DNAAF1: variants seen among roughly 807,000 people sequenced by gnomAD.
The protein encoded by DNAAF1 is dynein axonemal assembly factor 1, also known as dynein assembly factor 1, axonemal.
DNAAF1 carries 65 observed loss-of-function variants against 71.1 expected under a neutral mutation model. The observed-to-expected ratio is 0.91, with a 90% CI of 0.75 to 1.12. The LOEUF (loss-of-function observed/expected upper bound fraction) is 1.12. Among genes scored for constraint, DNAAF1 ranks in the 50% most tolerant of loss-of-function variants. The pLI, the probability that DNAAF1 is intolerant of heterozygous loss-of-function variation, is 0.00. For synonymous variants in DNAAF1, 414 were observed against 354.6 expected, an observed-to-expected ratio of 1.17 and a Z score of -1.88; for missense variants, 1,178 against 899.8, an observed-to-expected ratio of 1.31 and a Z score of -3.96.
intron 9 of DNAAF1, chr16:84,173,236 G>T: frequency 1.1e-6 from 1 of 945,992 alleles, no homozygotes; most frequent in Non-Finnish European, 1.3e-6. Context: ...GGCCGAGGTG[G>T]CTGGATCACG....
At chr16:84,154,825 C>T in intron 4 of DNAAF1, 27 bp downstream of exon 4, 1 of 1,564,716 alleles carries the variant, frequency 6.4e-7, no homozygotes, top group African/African-American at 1.4e-5. Context: ...AGCAGTGTGT[C>T]TGTTTGCCAT....
Position 84,165,863 on chromosome 16 carries a change from A to C in DNAAF1, c.944A>C (p.Lys315Thr). The change falls in exon 7 of 12, where the codon AAG becomes ACG. Residue 315 changes from lysine (K) to threonine (T), a missense_variant. Lys to Thr is a moderately conservative substitution (Grantham distance 78, BLOSUM62 -1). Coordinates refer to ENST00000378553, the MANE Select transcript of DNAAF1 (RefSeq NM_178452.6). ...CAGCAGTGGGAGAGCAGGGAGCGGA[A>C]GAAGATCACAGACAGCATTGAAGCC... ...ERQQWESRERKKITDSIEALA... is the reference protein window; with the variant it reads ...ERQQWESRERTKITDSIEALA... 6.2e-7 allele frequency: 1 copy of C among 1,613,520 alleles called. No homozygotes were observed. Among genetic ancestry groups the C allele is most frequent in the Non-Finnish European group, 8.5e-7 (1 of 1,179,918 alleles).
chr16:84,147,343 A>G (rs1030699958), intron 1 of DNAAF1, among the ~76,000 whole-genome samples: 1 of 152,224 alleles, frequency 6.6e-6, no homozygotes, highest in Non-Finnish European at 1.5e-5. Context: ...GTCTTGTTCA[A>G]TAGACCACAC....
At chr16:84,163,217 C>T (rs569251295) in intron 6 of DNAAF1, among the ~76,000 whole-genome samples, 1 of 152,124 alleles carries the variant, frequency 6.6e-6, no homozygotes, top group South Asian at 2.1e-4. Flanking sequence ...ATTTCTGGGT[C>T]ATACAGGGAC....
chr16:84,152,207 A>T lies in DNAAF1; in HGVS notation c.352+1865A>T, dbSNP rs77873607. Reference sequence around the variant, plus strand: ...GCAACAAGTTGGAGATGGCTTGAACAGCAAAGGGGGAGGAGATGGGGTAAG... The same window carrying T: ...GCAACAAGTTGGAGATGGCTTGAACTGCAAAGGGGGAGGAGATGGGGTAAG... On this transcript the variant is annotated intron_variant, in intron 3 of 11. Transcript: ENST00000378553. Among the ~76,000 whole-genome samples, 1,268 of 152,318 alleles carry T rather than the reference A, an allele frequency of 8.3e-3. 21 individuals carry two copies. Among genetic ancestry groups the T allele is most frequent in the African/African-American group, 0.029 (1,196 of 41,560 alleles).
chr16:84,150,374 C>A, intron 3 of DNAAF1, 32 bp downstream of exon 3: 1 of 1,498,634 alleles, frequency 6.7e-7, no homozygotes, highest in South Asian at 1.1e-5. Flanking sequence ...TGCTTCACGT[C>A]AGGTGGAAAG....
At chr16:84,148,330 A>G (rs2151203909) in intron 1 of DNAAF1, among the ~76,000 whole-genome samples, 1 of 152,258 alleles carries the variant, frequency 6.6e-6, no homozygotes, top group African/African-American at 2.4e-5. Flanking sequence ...CCCTATGGAT[A>G]GATGTAGTTC....
In DNAAF1 at chr16:84,170,306, C is replaced by T. The variant is rs758712587; in HGVS notation, c.1478C>T (p.Thr493Ile). 4 of 1,611,950 alleles carry T rather than the reference C, an allele frequency of 2.5e-6. No homozygotes were observed. Among genetic ancestry groups the T allele is most frequent in the Non-Finnish European group, 3.4e-6 (4 of 1,179,080 alleles). The part of the protein sequence containing the change: ...GEDGDREPEG[T>I]LPAEAPPPPP... ...GATGGAGATCGAGAGCCAGAGGGGA[C>T]CCTCCCAGCTGAGGCCCCACCACCA... is the stretch of plus-strand genomic sequence containing the variant. The change falls in exon 8 of 12, where the codon ACC (threonine) becomes ATC (isoleucine). Residue 493 changes from threonine to isoleucine, a missense_variant. Coordinates refer to ENST00000378553, the MANE Select transcript of DNAAF1 (RefSeq NM_178452.6).
rs150873117 is a variant in DNAAF1, at chr16:84,146,367, G to A, written c.124+803G>A. Among the ~76,000 whole-genome samples the A allele has an allele frequency of 3.4e-3, 514 of 152,260 alleles. 26 individuals carry two copies. In the South Asian group the frequency reaches 0.082, roughly 24 times the overall value. On this transcript the variant is annotated intron_variant, in intron 1 of 11. Transcript: ENST00000378553. The stretch of plus-strand genomic sequence containing the variant: ...GGGTAGAGAGTCCGAATGAAGACTT[G>A]GTTCTGGGGTCAGTGTGTGATCCCC...
rs541541024 is a variant in DNAAF1 at position 84,173,181 on chromosome 16, C to T, written c.1644+806C>T. 41 of 985,404 alleles carry T rather than the reference C, an allele frequency of 4.2e-5. No individual in the cohort carries two copies. The East Asian group carries it at 2.3e-3, about 55-fold the overall frequency. The allele number at this position is 985,404 out of a possible 1,614,324, so 61.0% of individuals were successfully genotyped here. A position where few individuals can be genotyped will look rare whatever the true frequency, so the allele number is the denominator to read the frequency against. On this transcript the variant is annotated intron_variant, in intron 9 of 11. Coordinates refer to ENST00000378553, the MANE Select transcript of DNAAF1 (RefSeq NM_178452.6). ...ATGGCCCAGTAGGAGTTAAAGTGAT[C>T]GGCCAGGCATGGTGGCTTACGCCTG...
At chr16:84,148,161 T>C (rs1248974624) in intron 1 of DNAAF1, among the ~76,000 whole-genome samples, 1 of 152,242 alleles carries the variant, frequency 6.6e-6, no homozygotes, top group Non-Finnish European at 1.5e-5. Context: ...TTTCCTCCCT[T>C]GTCCAGAATT....
At chr16:84,151,824 C>T (rs1176916744) in intron 3 of DNAAF1, among the ~76,000 whole-genome samples, 1 of 152,210 alleles carries the variant, frequency 6.6e-6, no homozygotes, top group African/African-American at 2.4e-5. Flanking sequence ...TAGCTGTCAG[C>T]CAGAGGCCTT....
intron 6 of DNAAF1, among the ~76,000 whole-genome samples, chr16:84,165,397 GC>G (rs1335976358): frequency 6.6e-6 from 1 of 151,988 alleles, no homozygotes; most frequent in Non-Finnish European, 1.5e-5. Context: ...TGTTGCCCAG[GC>G]TGATCTCGAA....
At chr16:84,168,523 C>T (rs2088143502) in intron 7 of DNAAF1, among the ~76,000 whole-genome samples, 1 of 152,122 alleles carries the variant, frequency 6.6e-6, no homozygotes, top group Non-Finnish European at 1.5e-5. Context: ...AGCAGTCCTC[C>T]CGCCTCGGCC....
chr16:84,145,731 T>G (rs369495051), intron 1 of DNAAF1, among the ~76,000 whole-genome samples, 167 bp downstream of exon 1: 2 of 152,158 alleles, frequency 1.3e-5, no homozygotes, highest in African/African-American at 4.8e-5. Flanking sequence ...CATTTCGTAC[T>G]GAGGAGGAAA....
At chr16:84,174,378 C>G (rs1246095505) in intron 9 of DNAAF1, 2 of 1,308,534 alleles carry the variant, frequency 1.5e-6, no homozygotes, top group Admixed American at 6.6e-5. Context: ...CCAAGATGAA[C>G]TGGCTGTGTC....
chr16:84,170,961 A>T (rs531213910), intron 8 of DNAAF1, among the ~76,000 whole-genome samples: 1 of 152,250 alleles, frequency 6.6e-6, no homozygotes, highest in Non-Finnish European at 1.5e-5. Flanking sequence ...CAATATAAAA[A>T]TTATCAGTGA....
In DNAAF1 at chr16:84,150,335, C is replaced by A. The variant is rs2151210231; in HGVS notation, c.345C>A (p.His115Gln). The A allele has an allele frequency of 2.5e-6, 4 of 1,610,448 alleles. No individual in the cohort carries two copies. The East Asian group carries it at 8.9e-5, about 36-fold the overall frequency. The change falls in exon 3 of 12, where the codon CAC becomes CAA. Residue 115 changes from histidine to glutamine, a missense_variant. By Grantham distance (24) the His-to-Gln change is conservative. Transcript: ENST00000378553. Reference protein sequence around the residue: ...TPALNDTLYLHFKGFDRIENL... With the variant: ...TPALNDTLYLQFKGFDRIENL... Reference sequence around the variant, plus strand: ...CATTGAATGATACGCTGTATTTACACTTTAAAGGTAAGGACCTAAGAGAGG... The same window carrying A: ...CATTGAATGATACGCTGTATTTACAATTTAAAGGTAAGGACCTAAGAGAGG...
At chr16:84,155,839 C>T (rs1167411521) in intron 5 of DNAAF1, 90 bp downstream of exon 5, 2 of 1,484,524 alleles carry the variant, frequency 1.3e-6, no homozygotes, top group South Asian at 1.2e-5. Context: ...TGTCTTTTCT[C>T]TCCTTCCTGC....
Sources: allele counts gnomAD v4.1 joint callset (sites outside exome capture counted in the v4.1 genomes callset), GRCh38; gene constraint gnomAD v4.1.1; transcripts MANE v1.5; gene names NCBI Gene and HGNC (gene_info 2026-07-23, HGNC 2026-07-21).